PCCB: variants seen among roughly 807,000 people sequenced by gnomAD.
The protein encoded by PCCB is propionyl-CoA carboxylase subunit beta, also known as propionyl-CoA carboxylase beta chain, mitochondrial.
In PCCB, 43 loss-of-function variants were observed where a neutral mutation model predicts 60.7. The observed-to-expected ratio is 0.71, with a 90% CI of 0.55 to 0.91. The LOEUF is 0.91. Ranked by LOEUF, PCCB falls within the 40% of genes least tolerant of loss-of-function variation. The pLI, the probability that PCCB is intolerant of heterozygous loss-of-function variation, is 0.00. For missense variants in PCCB, 766 were observed against 702.8 expected (o/e 1.09, Z -1.02); for synonymous variants, 276 against 255.9 (o/e 1.08, Z -0.75).
Position 136,326,814 on chromosome 3 carries a change from A to G in PCCB, c.1102A>G (p.Ile368Val). Residue 368 changes from isoleucine (I) to valine (V), a missense_variant, in exon 11 of 15, where the codon ATT becomes GTT. By Grantham distance (29) the Ile-to-Val change is conservative. Coordinates refer to ENST00000251654, the MANE Select transcript of PCCB (RefSeq NM_000532.5). ...CTCTCTCTTTCTAGGATGCTTGGAT[A>G]TTAATTCATCTGTGAAAGGGGCTCG... ...QPKVASGCLD[I>V]NSSVKGARFV... 2 of 1,601,328 alleles carry G rather than the reference A, an allele frequency of 1.2e-6. No homozygotes were observed.
intron 5 of PCCB, 69 bp downstream of exon 5, chr3:136,262,134 A>G (rs142554842): frequency 2.1e-6 from 2 of 972,562 alleles, no homozygotes; most frequent in Non-Finnish European, 3.2e-6. Flanking sequence ...GCCTGGCCAG[A>G]GCTTCTCCAA....
At chr3:136,299,585 G>T (rs1208812817) in intron 8 of PCCB, among the ~76,000 whole-genome samples, 4 of 80,890 alleles carry the variant, frequency 4.9e-5, no homozygotes, top group East Asian at 2.7e-4. Context: ...TGTATGTATA[G>T]GTATGCATGT....
At chr3:136,252,828 T>C (rs946927821) in intron 1 of PCCB, among the ~76,000 whole-genome samples, 2 of 151,700 alleles carry the variant, frequency 1.3e-5, no homozygotes, top group African/African-American at 4.8e-5. Context: ...TAAAAATCTG[T>C]ATATATGTTG....
intron 10 of PCCB, among the ~76,000 whole-genome samples, chr3:136,324,933 C>G (rs1232571543): frequency 6.6e-6 from 1 of 152,202 alleles, no homozygotes; most frequent in East Asian, 1.9e-4. Context: ...CACTCTGTCA[C>G]CTAGTCTGGA....
chr3:136,318,572 G>A (rs766361054), intron 10 of PCCB, among the ~76,000 whole-genome samples: 2 of 152,138 alleles, frequency 1.3e-5, no homozygotes, highest in Non-Finnish European at 2.9e-5. Context: ...TCAGCCTCCA[G>A]CCTTTGCTAT....
chr3:136,321,137 A>G (rs1935094166), intron 10 of PCCB, among the ~76,000 whole-genome samples: 1 of 152,118 alleles, frequency 6.6e-6, no homozygotes, highest in Non-Finnish European at 1.5e-5. Context: ...CTTATGTTGA[A>G]CTGCCTTTGC....
At chr3:136,314,982 C>G (rs747917028) in intron 9 of PCCB, among the ~76,000 whole-genome samples, 1 of 152,148 alleles carries the variant, frequency 6.6e-6, no homozygotes, top group Non-Finnish European at 1.5e-5. Flanking sequence ...TGTGGAAAGG[C>G]TTAGCTCAAA....
intron 10 of PCCB, among the ~76,000 whole-genome samples, chr3:136,319,355 G>A (rs538159717): frequency 1.3e-5 from 2 of 149,948 alleles, no homozygotes; most frequent in South Asian, 4.2e-4. Context: ...GGTTGTCCTT[G>A]CACTCTTTTG....
intron 6 of PCCB, among the ~76,000 whole-genome samples, chr3:136,289,685 T>C (rs532634367): frequency 6.6e-6 from 1 of 152,254 alleles, no homozygotes; most frequent in Non-Finnish European, 1.5e-5. Context: ...CTGTTTTCTT[T>C]TTGTTGTATT....
intron 8 of PCCB, among the ~76,000 whole-genome samples, chr3:136,298,458 A>T (rs138642358): frequency 6.2e-4 from 95 of 152,220 alleles, no homozygotes; most frequent in African/African-American, 2.2e-3. Flanking sequence ...AAGAGCCATG[A>T]TTCTTCTTAT....
intron 5 of PCCB, among the ~76,000 whole-genome samples, chr3:136,279,248 C>T (rs1260018197): frequency 1.3e-5 from 2 of 152,086 alleles, no homozygotes; most frequent in Non-Finnish European, 2.9e-5. Context: ...CTGTCAATCC[C>T]TGTCTTTTAA....
intron 1 of PCCB, chr3:136,251,174 A>T (rs926004629): frequency 2.2e-5 from 10 of 455,728 alleles, no homozygotes; most frequent in African/African-American, 4.0e-5. Context: ...GGGAGTGCGC[A>T]GGCTACTCTC....
intron 9 of PCCB, among the ~76,000 whole-genome samples, chr3:136,315,323 G>GTCGAGA: frequency 6.6e-6 from 1 of 151,780 alleles, no homozygotes; most frequent in East Asian, 1.9e-4. Flanking sequence ...GGATCACGAG[G>GTCGAGA]TCGAGATCGA....
At chr3:136,282,232 A>C (rs1942494138) in intron 5 of PCCB, among the ~76,000 whole-genome samples, 1 of 152,198 alleles carries the variant, frequency 6.6e-6, no homozygotes, top group African/African-American at 2.4e-5. Flanking sequence ...ATAAATGTGA[A>C]GTTTACTGAA....
chr3:136,296,118 T>C (rs983135548), intron 7 of PCCB, among the ~76,000 whole-genome samples: 1 of 152,252 alleles, frequency 6.6e-6, no homozygotes, highest in African/African-American at 2.4e-5. Flanking sequence ...TCATATACCG[T>C]ATATTTTAAA....
intron 9 of PCCB, among the ~76,000 whole-genome samples, chr3:136,316,227 G>GAA (rs796178619): frequency 8.9e-6 from 1 of 112,880 alleles, no homozygotes; most frequent in Admixed American, 8.8e-5. Flanking sequence ...CTCAAAAAAA[G>GAA]AAAAAAAAAA....
Position 136,255,947 on chromosome 3 carries a change from A to G in PCCB, c.275A>G (p.Asp92Gly). ...SDMFVEHRCA[D>G]FGMAADKNKF... ...ATGTTTGTGGAACACAGATGTGCAGATTTTGGAATGGCTGCTGATAAGAAT... is the reference window on the plus strand; with the variant it reads ...ATGTTTGTGGAACACAGATGTGCAGGTTTTGGAATGGCTGCTGATAAGAAT... The change falls in exon 2 of 15, where the codon GAT becomes GGT. Residue 92 changes from aspartate to glycine, a missense_variant. Coordinates refer to ENST00000251654, the MANE Select transcript of PCCB (RefSeq NM_000532.5). 1 of 1,614,184 alleles carries G rather than the reference A, an allele frequency of 6.2e-7. No individual in the cohort carries two copies. Among genetic ancestry groups the G allele is most frequent in the Non-Finnish European group, 8.5e-7 (1 of 1,180,016 alleles).
chr3:136,314,566 G>A (rs1934804664), intron 9 of PCCB, among the ~76,000 whole-genome samples: 1 of 152,130 alleles, frequency 6.6e-6, no homozygotes, highest in South Asian at 2.1e-4. Flanking sequence ...AAGGTGGGAA[G>A]ATCGCTTGAG....
At chr3:136,327,760 G>GGCCA in intron 13 of PCCB, 28 bp downstream of exon 13, 1 of 1,552,160 alleles carries the variant, frequency 6.4e-7, no homozygotes, top group Non-Finnish European at 8.9e-7. Flanking sequence ...TTCCCTTTCT[G>GGCCA]GGTCCAAGGA....
Sources: allele counts gnomAD v4.1 joint callset (sites outside exome capture counted in the v4.1 genomes callset), GRCh38; gene constraint gnomAD v4.1.1; transcripts MANE v1.5; gene names NCBI Gene and HGNC (gene_info 2026-07-23, HGNC 2026-07-21).